Variants in ADAMTS9 observed in about 807,000 individuals in gnomAD.
ADAMTS9 encodes the protein ADAM metallopeptidase with thrombospondin type 1 motif 9, also known as A disintegrin and metalloproteinase with thrombospondin motifs 9.
ADAMTS9 carries 107 observed loss-of-function variants against 257.1 expected under a neutral mutation model. That is an observed-to-expected ratio of 0.42 (90% CI 0.36 to 0.49). The LOEUF (loss-of-function observed/expected upper bound fraction) is 0.49. Ranked by LOEUF, ADAMTS9 falls within the 20% of genes least tolerant of loss-of-function variation. ADAMTS9 has a pLI of 0.03. For synonymous variants in ADAMTS9, 982 were observed against 880.9 expected (o/e 1.11, Z -2.03); for missense variants, 2,353 against 2,469.1 (o/e 0.95, Z 1.00).
Position 64,602,089 on chromosome 3 carries a change from G to A in ADAMTS9, c.3872C>T (p.Ser1291Phe), listed in dbSNP as rs2084472660. 6.2e-7 allele frequency: 1 copy of A among 1,614,096 alleles called. No homozygotes were observed. Among genetic ancestry groups the A allele is most frequent in the Non-Finnish European group, 8.5e-7 (1 of 1,179,982 alleles). ...DYIPETDQDC[S>F]MSPCPQRTPD... The stretch of plus-strand genomic sequence containing the variant: ...GGTCCTTTGAGGGCATGGTGACATG[G>A]AACAGTCCTGGTCAGTTTCTGGGAT... Residue 1291 changes from serine to phenylalanine, a missense_variant, in exon 26 of 40, where the codon TCC (serine) becomes TTC (phenylalanine). Ser to Phe is a radical substitution (Grantham distance 155, BLOSUM62 -2). This residue lies in a region of ADAMTS9 where 1,402 missense variants were observed against 1,441.4 expected (regional missense o/e 0.97). Coordinates refer to ENST00000498707, the MANE Select transcript of ADAMTS9 (RefSeq NM_182920.2).
At chr3:64,604,642 T>C (rs1035955925) in intron 23 of ADAMTS9, among the ~76,000 whole-genome samples, 1 of 152,204 alleles carries the variant, frequency 6.6e-6, no homozygotes, top group African/African-American at 2.4e-5. Flanking sequence ...AGTCATGAAA[T>C]AGCAGGATAT....
chr3:64,633,768 G>T lies in ADAMTS9; in HGVS notation c.1968C>A (p.His656Gln). 6.2e-7 allele frequency: 1 copy of T among 1,613,708 alleles called. No homozygotes were observed. The highest frequency in any genetic ancestry group is 8.5e-7 in the Non-Finnish European group (1 of 1,179,978). Residue 656 changes from histidine to glutamine, a missense_variant, in exon 13 of 40, where the codon CAC (histidine) becomes CAA (glutamine). His to Gln is a conservative substitution (Grantham distance 24, BLOSUM62 0). Around this residue, in one of 3 missense-constraint regions of ADAMTS9, gnomAD observed 360 missense variants for 458.1 expected, o/e 0.79. Transcript: ENST00000498707. The stretch of plus-strand genomic sequence containing the variant: ...TGATGTTAAAATGCTTCCCGTCAAA[G>T]TGAGCACACTGTTCATCTCGGAAGT... ...KRDFRDEQCA[H>Q]FDGKHFNING...
At chr3:64,538,258 A>T (rs1439566388) in intron 37 of ADAMTS9, among the ~76,000 whole-genome samples, 1 of 152,156 alleles carries the variant, frequency 6.6e-6, no homozygotes, top group East Asian at 1.9e-4. Context: ...AGTAAAAAGG[A>T]TGGTGCCTGG....
intron 22 of ADAMTS9, among the ~76,000 whole-genome samples, chr3:64,607,754 C>T (rs1165647209): frequency 2.0e-5 from 3 of 152,038 alleles, no homozygotes; most frequent in African/African-American, 7.2e-5. Flanking sequence ...GGAATTTAAA[C>T]AAAACCTTGC....
At chr3:64,616,498 A>G (rs540687859) in intron 19 of ADAMTS9, among the ~76,000 whole-genome samples, 2 of 151,210 alleles carry the variant, frequency 1.3e-5, no homozygotes, top group South Asian at 2.1e-4. Context: ...GTACATTATT[A>G]TCTGTAAATA....
chr3:64,579,228 T>C (rs917592535), intron 28 of ADAMTS9, among the ~76,000 whole-genome samples: 8 of 152,304 alleles, frequency 5.3e-5, no homozygotes, highest in African/African-American at 1.9e-4. Flanking sequence ...CACTAAGAGA[T>C]GCCTGGTGTA....
At position 64,645,079 on chromosome 3, in the gene ADAMTS9, G is replaced by C. The variant is rs570767118; in HGVS notation, c.1710+2861C>G. Among the ~76,000 whole-genome samples the C allele has an allele frequency of 8.8e-4, 134 of 152,280 alleles. 1 individual carries two copies. Among genetic ancestry groups the C allele is most frequent in the Non-Finnish European group, 1.6e-3 (110 of 68,026 alleles). The stretch of plus-strand genomic sequence containing the variant: ...GGTCTGTTTGGGAAACATGCACCAA[G>C]ATAATCTATTTTACCAGGCAAATTC... On this transcript the variant is annotated intron_variant, in intron 11 of 39. Transcript: ENST00000498707.
chr3:64,610,336 T>C (rs1341059177), intron 22 of ADAMTS9, among the ~76,000 whole-genome samples: 2 of 152,092 alleles, frequency 1.3e-5, no homozygotes, highest in African/African-American at 4.8e-5. Context: ...ATGGGGGAAA[T>C]ATTTGCCAAT....
chr3:64,570,970 T>C (rs1576041220), intron 28 of ADAMTS9, among the ~76,000 whole-genome samples: 1 of 152,140 alleles, frequency 6.6e-6, no homozygotes, highest in African/African-American at 2.4e-5. Context: ...TGAAGAAACA[T>C]AGTTGTGTCA....
intron 18 of ADAMTS9, among the ~76,000 whole-genome samples, chr3:64,621,708 G>T (rs1485223745): frequency 1.3e-5 from 2 of 151,516 alleles, no homozygotes; most frequent in Non-Finnish European, 2.9e-5. Flanking sequence ...GTTGCAGTGG[G>T]CTGAGATTGT....
chr3:64,665,405 A>G (rs904795495), intron 3 of ADAMTS9, among the ~76,000 whole-genome samples: 1 of 152,168 alleles, frequency 6.6e-6, no homozygotes, highest in African/African-American at 2.4e-5. Context: ...TCCCACTTAC[A>G]ATGTGGAGTA....
intron 8 of ADAMTS9, among the ~76,000 whole-genome samples, chr3:64,653,355 T>C (rs1359365989): frequency 6.6e-6 from 1 of 152,218 alleles, no homozygotes; most frequent in Admixed American, 6.5e-5. Flanking sequence ...ACCTCTTTTA[T>C]GTTCTAAATA....
chr3:64,657,502 C>G (rs938553444), intron 4 of ADAMTS9, among the ~76,000 whole-genome samples: 2 of 135,778 alleles, frequency 1.5e-5, no homozygotes, highest in African/African-American at 5.9e-5. Context: ...CTACACCTGG[C>G]TAATTGGTTT....
chr3:64,599,543 C>G (rs769377836), intron 26 of ADAMTS9, among the ~76,000 whole-genome samples: 2 of 152,178 alleles, frequency 1.3e-5, no homozygotes, highest in Non-Finnish European at 2.9e-5. Context: ...AACATTCCTC[C>G]TCATGGCAGA....
intron 3 of ADAMTS9, among the ~76,000 whole-genome samples, chr3:64,672,280 G>C (rs1246791650): frequency 6.6e-6 from 1 of 152,200 alleles, no homozygotes; most frequent in East Asian, 1.9e-4. Context: ...CAAAGTGTCA[G>C]GAATCCCTAA....
chr3:64,584,227 A>T (rs557026055), intron 28 of ADAMTS9: 130 of 152,256 alleles, frequency 8.5e-4, no homozygotes, highest in African/African-American at 3.1e-3. Flanking sequence ...AAGAAAAGGC[A>T]GAGTCTGCAT....
chr3:64,575,430 GTGT>G (rs2083815843), intron 28 of ADAMTS9, among the ~76,000 whole-genome samples: 1 of 152,124 alleles, frequency 6.6e-6, no homozygotes, highest in Non-Finnish European at 1.5e-5. Context: ...CTAGGTTATG[GTGT>G]TGTTCAAAAA....
chr3:64,665,204 A>G (rs7649592), intron 3 of ADAMTS9, among the ~76,000 whole-genome samples: 6,583 of 152,304 alleles, frequency 0.043, 275 homozygotes, highest in East Asian at 0.12. Flanking sequence ...CTCACATTTT[A>G]TTACAAGGAC....
rs779702909 is a variant in ADAMTS9, at chr3:64,541,311, C to A, written c.5387+9G>T. The A allele has an allele frequency of 6.2e-7, 1 of 1,614,076 alleles. No homozygotes were observed. The highest frequency in any genetic ancestry group is 1.1e-5 in the South Asian group (1 of 91,084). On this transcript the variant is annotated intron_variant, in intron 35 of 39. Transcript: ENST00000498707. The stretch of plus-strand genomic sequence containing the variant: ...GGCCTCTGAGATCTTCTGAGCCTGG[C>A]TCTCCTACCTGTGCCCATAAACCTC...
Sources: gnomAD v4.1 joint callset for allele counts (sites outside exome capture counted in the v4.1 genomes callset) on GRCh38, gnomAD v4.1.1 for gene constraint, gnomAD v4.1.1 regional missense constraint, MANE v1.5 for transcripts, NCBI Gene and HGNC (gene_info 2026-07-23, HGNC 2026-07-21) for gene names.